The following PTPRN2 variants were observed in gnomAD, a reference collection of about 807,000 sequenced individuals.
The protein encoded by PTPRN2 is protein tyrosine phosphatase receptor type N2, also known as receptor-type tyrosine-protein phosphatase N2.
PTPRN2 carries 74 observed loss-of-function variants against 118.8 expected under a neutral mutation model. The ratio of observed to expected loss-of-function variants is 0.62; its 90% CI spans 0.52 to 0.76. PTPRN2 has a LOEUF of 0.76. Ranked by LOEUF, PTPRN2 falls within the 30% of genes least tolerant of loss-of-function variation. The pLI, the probability that PTPRN2 is intolerant of heterozygous loss-of-function variation, is 0.00. For synonymous variants in PTPRN2, 641 were observed against 608.0 expected, an observed-to-expected ratio of 1.05 and a Z score of -0.80; for missense variants, 1,481 against 1,394.4, an observed-to-expected ratio of 1.06 and a Z score of -0.99.
At chr7:158,102,620 T>C (rs1347853860) in intron 10 of PTPRN2, among the ~76,000 whole-genome samples, 1 of 152,186 alleles carries the variant, frequency 6.6e-6, no homozygotes, top group East Asian at 1.9e-4. Flanking sequence ...GCATGCCCCA[T>C]GTATTTGATA....
At chr7:158,261,810 C>T (rs762202351) in intron 3 of PTPRN2, among the ~76,000 whole-genome samples, 5 of 152,186 alleles carry the variant, frequency 3.3e-5, no homozygotes, top group African/African-American at 4.8e-5. Flanking sequence ...GCACTACGGA[C>T]GATTTTAGGA....
At chr7:158,125,981 G>C (rs1248046957) in intron 9 of PTPRN2, among the ~76,000 whole-genome samples, 1 of 152,148 alleles carries the variant, frequency 6.6e-6, no homozygotes, top group Admixed American at 6.5e-5. Flanking sequence ...GCAGCCACTA[G>C]GATTGGAACT....
At position 157,629,615 on chromosome 7, in the gene PTPRN2, C is replaced by T. The variant is rs559241379; in HGVS notation, c.2197-8106G>A. Among the ~76,000 whole-genome samples the T allele has an allele frequency of 5.3e-5, 8 of 152,264 alleles. No individual in the cohort carries two copies. The highest frequency in any genetic ancestry group is 1.9e-4 in the East Asian group (1 of 5,170). On this transcript the variant is annotated intron_variant, in intron 14 of 22. Transcript: ENST00000389418. This position sits in a 1 kb window ranked among gnomAD's most constrained non-coding sequence, Gnocchi z 4.4. Reference sequence around the variant, plus strand: ...CGCCCATCATCACTCCGTGGGTCTTCGGATATGGGACGAGTGGAAACTGTC... The same window carrying T: ...CGCCCATCATCACTCCGTGGGTCTTTGGATATGGGACGAGTGGAAACTGTC...
chr7:158,386,926 T>C (rs1291105499), intron 2 of PTPRN2, among the ~76,000 whole-genome samples: 1 of 152,130 alleles, frequency 6.6e-6, no homozygotes, highest in African/African-American at 2.4e-5. Context: ...ACATCCTCCA[T>C]GATGAACACG....
At chr7:158,132,192 G>A (rs953059258) in intron 9 of PTPRN2, among the ~76,000 whole-genome samples, 8 of 147,136 alleles carry the variant, frequency 5.4e-5, no homozygotes, top group Admixed American at 2.0e-4. Flanking sequence ...ACACACACAC[G>A]CACAGATACA....
chr7:157,594,807 C>T (rs1182199571), intron 17 of PTPRN2, among the ~76,000 whole-genome samples: 2 of 152,144 alleles, frequency 1.3e-5, no homozygotes, highest in African/African-American at 4.8e-5. Flanking sequence ...CCTGGGCTTG[C>T]GTCGAGTAGA....
chr7:157,742,112 A>G (rs1252955490), intron 12 of PTPRN2, among the ~76,000 whole-genome samples: 1 of 152,214 alleles, frequency 6.6e-6, no homozygotes, highest in Non-Finnish European at 1.5e-5. Flanking sequence ...AGTGTGCTCA[A>G]TGCTTACAAC....
At chr7:158,305,802 AAAAAAGAAAG>A (rs1337718287) in intron 3 of PTPRN2, among the ~76,000 whole-genome samples, 2 of 151,906 alleles carry the variant, frequency 1.3e-5, no homozygotes, top group Non-Finnish European at 2.9e-5. Flanking sequence ...CAAAAAAAAA[AAAAAAGAAAG>A]AAAGAAAAAG....
At chr7:158,549,165 C>T (rs1826482690) in intron 1 of PTPRN2, among the ~76,000 whole-genome samples, 1 of 152,168 alleles carries the variant, frequency 6.6e-6, no homozygotes, top group African/African-American at 2.4e-5. Flanking sequence ...AGTGTGTGAT[C>T]AGCATTGTCT....
chr7:158,288,257 T>G (rs1009673028), intron 3 of PTPRN2, among the ~76,000 whole-genome samples: 4 of 152,190 alleles, frequency 2.6e-5, no homozygotes, highest in African/African-American at 9.6e-5. Flanking sequence ...CTCTGTCTTT[T>G]GATTAGAAAA....
At chr7:157,545,662 G>A (rs1798283303) in intron 22 of PTPRN2, among the ~76,000 whole-genome samples, 2 of 152,094 alleles carry the variant, frequency 1.3e-5, no homozygotes, top group South Asian at 2.1e-4. Flanking sequence ...TCAGGTGGGC[G>A]CTGGTGAAAC....
chr7:157,723,492 G>T (rs1250336489), intron 12 of PTPRN2, among the ~76,000 whole-genome samples: 1 of 152,192 alleles, frequency 6.6e-6, no homozygotes, highest in East Asian at 1.9e-4. Flanking sequence ...ACACCAGCAT[G>T]TCACTGCGCT....
At chr7:158,197,730 G>A (rs1044256730) in intron 4 of PTPRN2, among the ~76,000 whole-genome samples, 9 of 152,168 alleles carry the variant, frequency 5.9e-5, no homozygotes, top group Non-Finnish European at 2.9e-5. Context: ...TGGCAGGAGA[G>A]AGAAGTGCAA....
At chr7:157,988,434 T>A (rs1261007807) in intron 11 of PTPRN2, among the ~76,000 whole-genome samples, 1 of 152,204 alleles carries the variant, frequency 6.6e-6, no homozygotes, top group Non-Finnish European at 1.5e-5. Flanking sequence ...GACAGTGTCC[T>A]GCCTGCACGT....
Position 158,294,843 on chromosome 7 carries a change from G to A in PTPRN2, c.277+21976C>T, listed in dbSNP as rs1016742879. On this transcript the variant is annotated intron_variant, in intron 3 of 22. Transcript: ENST00000389418. ...GTCTGCCCAGACACTGCACCACATCGTGGTTCACCTGCCTTTCTGAGGGTC... is the reference window on the plus strand; with the variant it reads ...GTCTGCCCAGACACTGCACCACATCATGGTTCACCTGCCTTTCTGAGGGTC... 5.7e-5 allele frequency among the ~76,000 whole-genome samples: 8 copies of A among 139,578 alleles called. 1 individual carries two copies. The highest frequency in any genetic ancestry group is 1.3e-4 in the African/African-American group (5 of 37,230). 91.6% of individuals were successfully genotyped at this position (139,578 alleles called of 152,430 possible). A position where few individuals can be genotyped will look rare whatever the true frequency, so the allele number is the denominator to read the frequency against.
At chr7:157,901,856 CGTCCGTGTTTCCTGGGTCCTG>C (rs1563222576) in intron 11 of PTPRN2, among the ~76,000 whole-genome samples, 35 of 135,216 alleles carry the variant, frequency 2.6e-4, no homozygotes, top group African/African-American at 9.9e-4. Context: ...GGGACCTTCC[CGTCCGTGTTTCCTGGGTCCTG>C]AGGCGGGGCC....
intron 9 of PTPRN2, 53 bp from the exon 10 acceptor site, chr7:158,110,968 GAGAACTAA>G: frequency 6.9e-7 from 1 of 1,456,378 alleles, no homozygotes; most frequent in African/African-American, 1.4e-5. Flanking sequence ...AGCAGTCCTG[GAGAACTAA>G]AGCCCTGTGG....
intron 3 of PTPRN2, among the ~76,000 whole-genome samples, chr7:158,259,288 C>T (rs975524940): frequency 6.6e-6 from 1 of 152,210 alleles, no homozygotes; most frequent in Non-Finnish European, 1.5e-5. Context: ...GCCATGGGAG[C>T]AGGCAGGCCA....
intron 11 of PTPRN2, among the ~76,000 whole-genome samples, chr7:157,940,767 ACCATGACACTGCAAATCAAACACCCTCCC>A (rs1800025522): frequency 3.3e-5 from 1 of 30,034 alleles, no homozygotes; most frequent in Non-Finnish European, 4.7e-5. Context: ...CACCCTCCCC[ACCATGACACTGCAAATCAAACACCCTCCC>A]CCATGACACT....
Sources: allele counts gnomAD v4.1 joint callset (sites outside exome capture counted in the v4.1 genomes callset), GRCh38; gene constraint gnomAD v4.1.1; non-coding constraint Gnocchi (gnomAD v3.1); transcripts MANE v1.5; gene names NCBI Gene and HGNC (gene_info 2026-07-23, HGNC 2026-07-21).